The following AKR1C8 variants were observed in gnomAD, a reference collection of about 807,000 sequenced individuals.
The protein encoded by AKR1C8 is aldo-keto reductase family 1 member C8, also known as aldo-keto reductase family 1 member C-like protein 1.
At chr10:5,122,759 G>C in the AKR1C8 span, among the ~76,000 whole-genome samples, 1 of 152,124 alleles carries the variant, frequency 6.6e-6, no homozygotes, top group Non-Finnish European at 1.5e-5. Context: ...TGAGCAAGTA[G>C]AACAGTTGAT....
At chr10:5,181,198 T>C in the AKR1C8 span, among the ~76,000 whole-genome samples, 1 of 152,232 alleles carries the variant, frequency 6.6e-6, no homozygotes, top group African/African-American at 2.4e-5. Context: ...TATTAAAGGT[T>C]TATAAAAATC....
chr10:5,121,658 T>C, the AKR1C8 span, among the ~76,000 whole-genome samples: 3 of 152,070 alleles, frequency 2.0e-5, no homozygotes, highest in Non-Finnish European at 2.9e-5. Context: ...CCCATCTCCA[T>C]AAAAATATTA....
chr10:5,136,929 T>C, the AKR1C8 span, among the ~76,000 whole-genome samples: 2 of 152,262 alleles, frequency 1.3e-5, no homozygotes, highest in Non-Finnish European at 1.5e-5. Flanking sequence ...TTTATAGCTA[T>C]TAAAAGTCAC....
the AKR1C8 span, chr10:5,123,676 G>A: frequency 1.3e-6 from 2 of 1,550,632 alleles, no homozygotes; most frequent in Non-Finnish European, 1.8e-6. Flanking sequence ...TCATCAAAAT[G>A]GCATTTTAGG....
At chr10:5,161,697 G>T in the AKR1C8 span, 1 of 533,404 alleles carries the variant, frequency 1.9e-6, no homozygotes, top group South Asian at 1.4e-5. Context: ...TCACTCAATT[G>T]TGAAAGATAC....
chr10:5,139,739 G>A, the AKR1C8 span, among the ~76,000 whole-genome samples: 6 of 152,000 alleles, frequency 3.9e-5, no homozygotes, highest in African/African-American at 1.2e-4. Flanking sequence ...ACATAGGCAT[G>A]GGCAAGGACA....
the AKR1C8 span, chr10:5,161,583 G>A: frequency 2.3e-6 from 1 of 426,492 alleles, no homozygotes; most frequent in Non-Finnish European, 4.7e-6. Context: ...GAGAAATACA[G>A]TGCAATGCCC....
chr10:5,144,094 C>T, the AKR1C8 span, among the ~76,000 whole-genome samples: 1 of 152,144 alleles, frequency 6.6e-6, no homozygotes, highest in East Asian at 1.9e-4. Flanking sequence ...CTACATATGG[C>T]TAGCCAGTTT....
the AKR1C8 span, among the ~76,000 whole-genome samples, chr10:5,179,798 T>G: frequency 7.2e-5 from 11 of 152,226 alleles, no homozygotes; most frequent in Admixed American, 7.2e-4. Flanking sequence ...CTTCATGTAG[T>G]TCTCAAGCCT....
At chr10:5,173,895 T>A in the AKR1C8 span, among the ~76,000 whole-genome samples, 1 of 152,096 alleles carries the variant, frequency 6.6e-6, no homozygotes, top group African/African-American at 2.4e-5. Flanking sequence ...ATTACTTTCC[T>A]CCACTCTGTC....
chr10:5,163,335 T>C, the AKR1C8 span, among the ~76,000 whole-genome samples: 1 of 152,212 alleles, frequency 6.6e-6, no homozygotes, highest in Non-Finnish European at 1.5e-5. Flanking sequence ...TGGATAATTA[T>C]GCCACTGAAA....
At chr10:5,152,972 GA>G in the AKR1C8 span, among the ~76,000 whole-genome samples, 4 of 151,536 alleles carry the variant, frequency 2.6e-5, no homozygotes, top group African/African-American at 4.8e-5. Flanking sequence ...CAAATTTCTT[GA>G]AAAAAAAGTT....
At chr10:5,145,963 G>T in the AKR1C8 span, among the ~76,000 whole-genome samples, 1 of 151,912 alleles carries the variant, frequency 6.6e-6, no homozygotes, top group Non-Finnish European at 1.5e-5. Context: ...GTCCAACAAT[G>T]ATAGACTGGA....
At chr10:5,125,392 G>A in the AKR1C8 span, among the ~76,000 whole-genome samples, 4 of 151,974 alleles carry the variant, frequency 2.6e-5, no homozygotes, top group Non-Finnish European at 5.9e-5. Context: ...ACCCACCCTG[G>A]TAGCTTAACA....
the AKR1C8 span, among the ~76,000 whole-genome samples, chr10:5,171,772 G>A: frequency 3.3e-5 from 5 of 152,100 alleles, no homozygotes; most frequent in South Asian, 1.0e-3. Context: ...TAGCCAATAT[G>A]TTTACACACA....
At chr10:5,138,061 G>C in the AKR1C8 span, among the ~76,000 whole-genome samples, 1 of 151,530 alleles carries the variant, frequency 6.6e-6, no homozygotes, top group Non-Finnish European at 1.5e-5. Context: ...CTACTGATAA[G>C]GGTCTATGTT....
the AKR1C8 span, among the ~76,000 whole-genome samples, chr10:5,140,606 T>G: frequency 6.6e-6 from 1 of 151,248 alleles, no homozygotes; most frequent in African/African-American, 2.4e-5. Flanking sequence ...ATGAGAACGC[T>G]TGGACACAGG....
the AKR1C8 span, among the ~76,000 whole-genome samples, chr10:5,147,747 C>T: frequency 6.6e-6 from 1 of 152,310 alleles, no homozygotes; most frequent in African/African-American, 2.4e-5. Context: ...CACATGGCTA[C>T]TCTTACAGGT....
chr10:5,122,001 G>T, the AKR1C8 span: 1 of 239,758 alleles, frequency 4.2e-6, no homozygotes, highest in Non-Finnish European at 8.6e-6. Flanking sequence ...ATTCAGGCCT[G>T]TCTTCCTGAT....
Sources: gnomAD v4.1 joint callset for allele counts (sites outside exome capture counted in the v4.1 genomes callset) on GRCh38, gnomAD v4.1.1 for gene constraint, MANE v1.5 for transcripts, NCBI Gene and HGNC (gene_info 2026-07-23, HGNC 2026-07-21) for gene names.